NLRP5: variants seen among roughly 807,000 people sequenced by gnomAD.
NLRP5 encodes NACHT, LRR and PYD domains-containing protein 5.
In NLRP5, 93 loss-of-function variants were observed where a neutral mutation model predicts 113.1. The ratio of observed to expected loss-of-function variants is 0.82; its 90% CI spans 0.70 to 0.98. The LOEUF (loss-of-function observed/expected upper bound fraction) is 0.98, where lower values mean the gene tolerates loss of function less well. Ranked by LOEUF, NLRP5 falls within the 50% of genes least tolerant of loss-of-function variation. The pLI, the probability that NLRP5 is intolerant of heterozygous loss-of-function variation, is 0.00. For missense variants in NLRP5, 1,808 were observed against 1,514.3 expected, an observed-to-expected ratio of 1.19 and a Z score of -3.22; for synonymous variants, 751 against 600.7, an observed-to-expected ratio of 1.25 and a Z score of -3.66.
At position 56,038,013 on chromosome 19, in the gene NLRP5, C is replaced by T; in HGVS notation, c.2616-12C>T. The T allele has an allele frequency of 6.2e-7, 1 of 1,613,740 alleles. No individual in the cohort carries two copies. The highest frequency in any genetic ancestry group is 1.1e-5 in the South Asian group (1 of 91,056). ...AAGAGCTGGGATTGCTTCATGCTGC[C>T]TGTCTCTGCAGGCTGGATTGCTGTG... On this transcript the variant is annotated splice_polypyrimidine_tract_variant and intron_variant, in intron 9 of 14. Coordinates refer to ENST00000390649, the MANE Select transcript of NLRP5 (RefSeq NM_153447.4).
chr19:56,053,472 C>T (rs1221166211), intron 12 of NLRP5, among the ~76,000 whole-genome samples, 166 bp from the exon 13 acceptor site: 2 of 152,204 alleles, frequency 1.3e-5, no homozygotes, highest in African/African-American at 4.8e-5. Flanking sequence ...TCATTCCTCT[C>T]TCAAGCCAAC....
chr19:56,022,491 T>A (rs895153610), intron 6 of NLRP5, among the ~76,000 whole-genome samples: 3 of 152,108 alleles, frequency 2.0e-5, no homozygotes, highest in African/African-American at 7.2e-5. Context: ...AGCATCCCAA[T>A]GCACTAGGAT....
At position 56,027,141 on chromosome 19, in the gene NLRP5, G is replaced by C. The variant is rs1982889502; in HGVS notation, c.908G>C (p.Trp303Ser). Residue 303 changes from tryptophan (W) to serine (S), a missense_variant, in exon 7 of 15, where the codon TGG becomes TCG. Physicochemically the swap from Trp to Ser is radical, Grantham distance 177 (BLOSUM62 -3). Transcript: ENST00000390649. The stretch of plus-strand genomic sequence containing the variant: ...CTAGCCAGAAGGATCGTGCTGTGCT[G>C]GGCGCAAGGTGGACTCTACCAGGGA... 6.3e-7 allele frequency: 1 copy of C among 1,599,584 alleles called. No individual in the cohort carries two copies. Among genetic ancestry groups the C allele is most frequent in the African/African-American group, 1.3e-5 (1 of 74,612 alleles).
At chr19:56,034,005 G>A (rs1204271534) in intron 9 of NLRP5, among the ~76,000 whole-genome samples, 1 of 152,230 alleles carries the variant, frequency 6.6e-6, no homozygotes, top group Non-Finnish European at 1.5e-5. Flanking sequence ...CCTGGGCTCA[G>A]GTGGTCCTCC....
Position 56,040,990 on chromosome 19 carries a change from G to A in NLRP5, c.2855G>A (p.Ser952Asn). ...GCCTCAGCCCTCGTCAGCAACCGGA[G>A]CTTGACACACCTGTGCCTATCCAAC... is the stretch of plus-strand genomic sequence containing the variant. The change falls in exon 11 of 15, where the codon AGC (serine) becomes AAC (asparagine). Residue 952 changes from serine (S) to asparagine (N), a missense_variant. Transcript: ENST00000390649. 12 of 1,613,980 alleles carry A rather than the reference G, an allele frequency of 7.4e-6. No homozygotes were observed. The highest frequency in any genetic ancestry group is 1.0e-5 in the Non-Finnish European group (12 of 1,179,874).
At chr19:56,005,383 A>T (rs1328856937) in intron 2 of NLRP5, among the ~76,000 whole-genome samples, 1 of 147,570 alleles carries the variant, frequency 6.8e-6, no homozygotes, top group Non-Finnish European at 1.5e-5. Context: ...ATATATTTAT[A>T]TATACATATA....
At position 56,027,727 on chromosome 19, in the gene NLRP5, C is replaced by T; in HGVS notation, c.1494C>T (p.Leu498=). 1 of 1,613,694 alleles carries T rather than the reference C, an allele frequency of 6.2e-7. No individual in the cohort carries two copies. The highest frequency in any genetic ancestry group is 8.5e-7 in the Non-Finnish European group (1 of 1,179,844). Residue 498 remains leucine, a synonymous_variant, in exon 7 of 15, where the codon CTC becomes CTT. Transcript: ENST00000390649. ...GCGTCGCCCCCTTCAACCAAACGCT[C>T]ACAGGCCTGCACGCCGCTTTTGTGT...
rs772003271 is a variant in NLRP5, at chr19:56,050,585, T to G, written c.3125T>G (p.Leu1042Arg). ...GAACCATCTTGTCATCTCCAGGACC[T>G]GGAGTGAGTTTCCCATGGGCGTTGG... The change falls in exon 12 of 15, where the codon CTG becomes CGG. Residue 1042 changes from leucine (L) to arginine (R), a missense_variant. Coordinates refer to ENST00000390649, the MANE Select transcript of NLRP5 (RefSeq NM_153447.4). 1 of 1,613,150 alleles carries G rather than the reference T, an allele frequency of 6.2e-7. No individual in the cohort carries two copies. The highest frequency in any genetic ancestry group is 1.7e-5 in the Admixed American group (1 of 59,934).
intron 3 of NLRP5, among the ~76,000 whole-genome samples, chr19:56,013,595 G>GCTTTTTTTTTTTT (rs1418924718): frequency 3.2e-5 from 1 of 30,984 alleles, no homozygotes; most frequent in Non-Finnish European, 5.7e-5. Context: ...TGGACATTTG[G>GCTTTTTTTTTTTT]GTTTTTTTTT....
At chr19:56,024,397 T>C (rs1261304126) in intron 6 of NLRP5, among the ~76,000 whole-genome samples, 2 of 121,474 alleles carry the variant, frequency 1.6e-5, no homozygotes, top group Non-Finnish European at 3.5e-5. Context: ...CATATATACA[T>C]ATATGTACAT....
At chr19:56,029,779 G>A (rs1263259279) in intron 7 of NLRP5, among the ~76,000 whole-genome samples, 7 of 151,590 alleles carry the variant, frequency 4.6e-5, no homozygotes, top group Admixed American at 4.6e-4. Context: ...TGGACAGGCT[G>A]GGTGCAGTGG....
At chr19:55,999,622 C>A, upstream of NLRP5, 1 of 885,414 alleles carries the variant, frequency 1.1e-6, no homozygotes, top group Admixed American at 1.8e-5. Flanking sequence ...TGTTGCTTCA[C>A]TGAAACCTCA....
In NLRP5 at chr19:56,006,602, C is replaced by G. The variant is rs544314366; in HGVS notation, c.443-2186C>G. ...CAAAAATTAGCCAGGCATGGTGGCA[C>G]ACACCTGTAATCCCAGCTACTTGGG... is the stretch of plus-strand genomic sequence containing the variant. On this transcript the variant is annotated intron_variant, in intron 2 of 14. Coordinates refer to ENST00000390649, the MANE Select transcript of NLRP5 (RefSeq NM_153447.4). Among the ~76,000 whole-genome samples, 183 of 151,882 alleles carry G rather than the reference C, an allele frequency of 1.2e-3. 2 individuals carry two copies. The highest frequency in any genetic ancestry group is 2.2e-3 in the Non-Finnish European group (148 of 67,890).
chr19:55,994,633 T>C, the NLRP5 span, among the ~76,000 whole-genome samples: 116 of 152,340 alleles, frequency 7.6e-4, no homozygotes, highest in African/African-American at 2.7e-3. Context: ...CCTGACCTCA[T>C]GATCCACCTG....
upstream of NLRP5, among the ~76,000 whole-genome samples, chr19:55,998,670 GTGTATATATATATATATA>G (rs1981429553): frequency 3.0e-5 from 2 of 66,818 alleles, no homozygotes. Context: ...GTGTGTGTGT[GTGTATATATATATATATA>G]TATATATATA....
chr19:56,002,410 C>G (rs937442758), intron 1 of NLRP5, among the ~76,000 whole-genome samples: 7 of 151,632 alleles, frequency 4.6e-5, no homozygotes, highest in Non-Finnish European at 8.8e-5. Context: ...TCTAAGAACC[C>G]TGTAACTGGT....
At chr19:56,030,313 T>G (rs1983046757) in intron 7 of NLRP5, among the ~76,000 whole-genome samples, 1 of 151,786 alleles carries the variant, frequency 6.6e-6, no homozygotes, top group African/African-American at 2.4e-5. Flanking sequence ...GAGGTTGCAG[T>G]GAGCCAAGAT....
intron 13 of NLRP5, among the ~76,000 whole-genome samples, chr19:56,057,618 C>T (rs1984205412): frequency 1.3e-5 from 2 of 152,156 alleles, no homozygotes; most frequent in South Asian, 4.1e-4. Context: ...TGTTTCCTTG[C>T]TACAGGCACT....
Position 56,004,094 on chromosome 19 carries a change from A to C in NLRP5, c.441A>C (p.Lys147Asn). Residue 147 changes from lysine to asparagine, a missense_variant and splice_region_variant, in exon 2 of 15, where the codon AAA becomes AAC. Lys to Asn is a moderately conservative substitution (Grantham distance 94). Coordinates refer to ENST00000390649, the MANE Select transcript of NLRP5 (RefSeq NM_153447.4). ...CGGAGAAGGCACGGGATGACATGAA[A>C]AGTAAGCGAGACTTGGGACAAGTCT... is the stretch of plus-strand genomic sequence containing the variant. 1 of 1,599,810 alleles carries C rather than the reference A, an allele frequency of 6.3e-7. No homozygotes were observed. Among genetic ancestry groups the C allele is most frequent in the Non-Finnish European group, 8.5e-7 (1 of 1,171,996 alleles).
Sources: allele counts gnomAD v4.1 joint callset (sites outside exome capture counted in the v4.1 genomes callset), GRCh38; gene constraint gnomAD v4.1.1; transcripts MANE v1.5; gene names NCBI Gene and HGNC (gene_info 2026-07-23, HGNC 2026-07-21).